ACER3: variants seen among roughly 807,000 people sequenced by gnomAD.
ACER3 encodes alkCDase 3.
Under a neutral mutation model 48.9 loss-of-function variants are expected in ACER3, and 16 were observed. The observed-to-expected ratio is 0.33, with a 90% confidence interval of 0.22 to 0.50. The LOEUF (loss-of-function observed/expected upper bound fraction) is 0.50, where lower values mean the gene tolerates loss of function less well. Ranked by LOEUF, ACER3 falls within the 20% of genes least tolerant of loss-of-function variation. The probability of loss-of-function intolerance (pLI) is 0.98; values close to 1 mark genes in which losing one functional copy is unlikely to be tolerated. For synonymous variants in ACER3, 109 were observed against 107.8 expected, an observed-to-expected ratio of 1.01 and a Z score of -0.07; for missense variants, 227 against 326.0, an observed-to-expected ratio of 0.70 and a Z score of 2.34.
intron 7 of ACER3, among the ~76,000 whole-genome samples, chr11:77,004,192 G>T (rs1165733166): frequency 5.9e-5 from 9 of 152,152 alleles, no homozygotes; most frequent in Non-Finnish European, 1.2e-4. Flanking sequence ...GTTACCTAAA[G>T]GTCAAACTGA....
chr11:77,009,357 G>T (rs568866979), intron 7 of ACER3, among the ~76,000 whole-genome samples: 12 of 152,222 alleles, frequency 7.9e-5, no homozygotes. Flanking sequence ...ACTCACTACC[G>T]CAAGGACAGA....
intron 1 of ACER3, among the ~76,000 whole-genome samples, chr11:76,895,755 GT>G (rs985241945): frequency 6.6e-6 from 1 of 152,202 alleles, no homozygotes; most frequent in Non-Finnish European, 1.5e-5. Flanking sequence ...AGTAAAAAAT[GT>G]TTTTTTAATA....
Position 76,861,005 on chromosome 11 carries a change from A to C in ACER3, c.29A>C (p.Tyr10Ser), listed in dbSNP as rs993168958. Residue 10 changes from tyrosine (Y) to serine (S), a missense_variant, in exon 1 of 11, where the codon TAC (tyrosine) becomes TCC (serine). Physicochemically the swap from Tyr to Ser is moderately radical, Grantham distance 144 (BLOSUM62 -2). This residue lies in a region of ACER3 where 27 missense variants were observed against 18.1 expected (regional missense o/e 1.49). Transcript: ENST00000532485. MAPAADREG[Y>S]WGPTTSTLDW... Reference sequence around the variant, plus strand: ...GCTCCGGCCGCGGACCGAGAGGGCTACTGGGGCCCCACGACCTCCACGCTG... The same window carrying C: ...GCTCCGGCCGCGGACCGAGAGGGCTCCTGGGGCCCCACGACCTCCACGCTG... 13 of 1,545,470 alleles carry C rather than the reference A, an allele frequency of 8.4e-6. No individual in the cohort carries two copies. Among genetic ancestry groups the C allele is most frequent in the Non-Finnish European group, 1.1e-5 (13 of 1,145,368 alleles).
intron 2 of ACER3, among the ~76,000 whole-genome samples, chr11:76,939,004 A>G (rs1947268852): frequency 6.6e-6 from 1 of 152,280 alleles, no homozygotes; most frequent in African/African-American, 2.4e-5. Context: ...AAAGTAACAC[A>G]GAAGGCAGTT....
rs529780021 is a variant in ACER3, at chr11:76,927,603, TC to T, written c.214+942del. ...TAGGTATATCTCCTAATGCTATCCCTCCCCCCTTCCCCCACCCCACAACAGG... is the reference window on the plus strand; with the variant it reads ...TAGGTATATCTCCTAATGCTATCCCTCCCCCTTCCCCCACCCCACAACAGG... On this transcript the variant is annotated intron_variant, in intron 2 of 10. Coordinates refer to ENST00000532485, the MANE Select transcript of ACER3 (RefSeq NM_018367.7). 3.5e-3 allele frequency among the ~76,000 whole-genome samples: 528 copies of T among 151,094 alleles called. 6 individuals are homozygous for T. The South Asian group carries it at 0.038, about 11-fold the overall frequency.
chr11:76,867,975 G>A (rs1318213750), intron 1 of ACER3: 2 of 559,864 alleles, frequency 3.6e-6, no homozygotes, highest in African/African-American at 2.0e-5. Flanking sequence ...ACTTAGATGG[G>A]GGAACAAGGT....
chr11:76,926,777 A>G (rs1011835304), intron 2 of ACER3, 110 bp downstream of exon 2: 1 of 654,374 alleles, frequency 1.5e-6, no homozygotes, highest in Non-Finnish European at 2.5e-6. Context: ...ACTTGAATAT[A>G]TTCTGAAACT....
At chr11:76,924,987 A>AAAAAC (rs1555002090) in intron 1 of ACER3, among the ~76,000 whole-genome samples, 1 of 151,058 alleles carries the variant, frequency 6.6e-6, no homozygotes, top group South Asian at 2.1e-4. Flanking sequence ...AAAAAAAAAA[A>AAAAAC]AAAAAACACC....
At chr11:76,975,225 G>A (rs997710662) in intron 3 of ACER3, among the ~76,000 whole-genome samples, 3 of 151,960 alleles carry the variant, frequency 2.0e-5, no homozygotes, top group African/African-American at 4.8e-5. Context: ...ATTAGAATGC[G>A]AACTCCTTGA....
At chr11:76,994,320 G>A (rs1301137377) in intron 6 of ACER3, 1 of 372,152 alleles carries the variant, frequency 2.7e-6, no homozygotes, top group African/African-American at 2.1e-5. Flanking sequence ...AGTAGAAACG[G>A]GGTATCGCCA....
chr11:76,878,336 TG>T (rs1196342710), intron 1 of ACER3, among the ~76,000 whole-genome samples: 2 of 152,112 alleles, frequency 1.3e-5, no homozygotes, highest in Non-Finnish European at 2.9e-5. Flanking sequence ...TCGAATTTTT[TG>T]GTCTCATGAC....
intron 1 of ACER3, among the ~76,000 whole-genome samples, chr11:76,916,204 A>G (rs2134754863): frequency 6.6e-6 from 1 of 152,336 alleles, no homozygotes; most frequent in East Asian, 1.9e-4. Context: ...TGTTAAATTA[A>G]TTTTGGGGAA....
chr11:77,003,725 A>G (rs1949079478), intron 7 of ACER3, among the ~76,000 whole-genome samples: 1 of 152,180 alleles, frequency 6.6e-6, no homozygotes, highest in Non-Finnish European at 1.5e-5. Context: ...AGTGTCCCAC[A>G]GCTTTTTATA....
chr11:76,864,680 A>G (rs561734350), intron 1 of ACER3, among the ~76,000 whole-genome samples: 63 of 140,848 alleles, frequency 4.5e-4, no homozygotes, highest in African/African-American at 1.5e-3. Context: ...GCTCACTGCA[A>G]CCTCCACCCC....
intron 1 of ACER3, among the ~76,000 whole-genome samples, chr11:76,863,282 C>A (rs7927658): frequency 0.68 from 103,945 of 152,008 alleles, 35,928 homozygotes; most frequent in Non-Finnish European, 0.74. Flanking sequence ...CATGTGGACT[C>A]TGAGAGAGCA....
At chr11:77,007,143 CAT>C (rs1213940698) in intron 7 of ACER3, among the ~76,000 whole-genome samples, 16 of 150,634 alleles carry the variant, frequency 1.1e-4, no homozygotes, top group East Asian at 5.9e-4. Context: ...AAAAAAATCA[CAT>C]GTTTTGAGGT....
At chr11:77,010,581 A>G (rs1157429340) in intron 7 of ACER3, among the ~76,000 whole-genome samples, 1 of 152,182 alleles carries the variant, frequency 6.6e-6, no homozygotes, top group African/African-American at 2.4e-5. Flanking sequence ...TTACCAAAAT[A>G]ATTCAAGAAA....
chr11:76,972,739 T>C (rs556743170), intron 3 of ACER3, among the ~76,000 whole-genome samples: 1 of 152,142 alleles, frequency 6.6e-6, no homozygotes, highest in East Asian at 1.9e-4. Flanking sequence ...TGCATGTGTC[T>C]CCCTCGAGGC....
intron 7 of ACER3, chr11:77,011,325 C>G (rs1949258806): frequency 1.4e-5 from 14 of 985,490 alleles, no homozygotes; most frequent in East Asian, 1.1e-4. Context: ...CATTTTACCC[C>G]ACAGAAGAGT....
Sources: gnomAD v4.1 joint callset for allele counts (sites outside exome capture counted in the v4.1 genomes callset) on GRCh38, gnomAD v4.1.1 for gene constraint, gnomAD v4.1.1 regional missense constraint, MANE v1.5 for transcripts, NCBI Gene and HGNC (gene_info 2026-07-23, HGNC 2026-07-21) for gene names.